PRELID3A: variants seen among roughly 807,000 people sequenced by gnomAD.
The protein encoded by PRELID3A is PRELI domain containing 3A.
A neutral mutation model predicts 23.0 loss-of-function variants in PRELID3A; 27 were observed. The observed-to-expected ratio is 1.17, with a 90% CI of 0.87 to 1.62. PRELID3A has a LOEUF of 1.62. Among genes scored for constraint, PRELID3A ranks in the 40% most tolerant of loss-of-function variants. PRELID3A has a pLI of 0.00. For missense variants in PRELID3A, 231 were observed against 231.4 expected, an observed-to-expected ratio of 1.00 and a Z score of 0.01; for synonymous variants, 87 against 86.4, an observed-to-expected ratio of 1.01 and a Z score of -0.04.
chr18:12,411,559 A>G (rs1910964632), intron 1 of PRELID3A, among the ~76,000 whole-genome samples: 1 of 152,152 alleles, frequency 6.6e-6, no homozygotes, highest in African/African-American at 2.4e-5. Flanking sequence ...TCAATAACAA[A>G]GCCCATCACA....
intron 5 of PRELID3A, among the ~76,000 whole-genome samples, chr18:12,428,924 G>A (rs2030462653): frequency 6.6e-6 from 1 of 152,206 alleles, no homozygotes; most frequent in Non-Finnish European, 1.5e-5. Flanking sequence ...TAGAGGTTGT[G>A]TTGAAGGCTT....
Position 12,431,502 on chromosome 18 carries a change from T to A in PRELID3A, c.*386T>A, listed in dbSNP as rs1335438790. On this transcript the variant is annotated 3_prime_UTR_variant, in exon 7 of 7. Coordinates refer to ENST00000440960, the MANE Select transcript of PRELID3A (RefSeq NM_001142405.2). Reference sequence around the variant, plus strand: ...CCGCCCGCCCACGCTGTCCTCCACTTAGGCTCCTCCACAAACGCTGGCGGG... The same window carrying A: ...CCGCCCGCCCACGCTGTCCTCCACTAAGGCTCCTCCACAAACGCTGGCGGG... The A allele has an allele frequency of 4.7e-5, 5 of 107,194 alleles. No individual in the cohort carries two copies. The highest frequency in any genetic ancestry group is 2.9e-4 in the Admixed American group (3 of 10,180). The allele number at this position is 107,194 out of a possible 1,614,324, so 6.6% of individuals were successfully genotyped here.
chr18:12,409,629 C>T (rs531761361), intron 1 of PRELID3A, among the ~76,000 whole-genome samples: 1 of 152,198 alleles, frequency 6.6e-6, no homozygotes, highest in East Asian at 1.9e-4. Context: ...GGGGGCATCA[C>T]TGAGCCGTCT....
chr18:12,413,823 A>G (rs892625368), intron 1 of PRELID3A, among the ~76,000 whole-genome samples: 8 of 152,182 alleles, frequency 5.3e-5, no homozygotes, highest in Middle Eastern at 3.2e-3. Context: ...ACCTCAGGTG[A>G]TCCGCCTGCC....
chr18:12,420,944 C>A (rs1047632069), intron 2 of PRELID3A, among the ~76,000 whole-genome samples: 2 of 152,126 alleles, frequency 1.3e-5, no homozygotes, highest in Admixed American at 1.3e-4. Flanking sequence ...CCTGGTTTAA[C>A]CGCCTCTAAA....
At chr18:12,413,637 G>A (rs891483052) in intron 1 of PRELID3A, among the ~76,000 whole-genome samples, 1 of 152,164 alleles carries the variant, frequency 6.6e-6, no homozygotes, top group Admixed American at 6.5e-5. Flanking sequence ...AGGCTGGAGT[G>A]CAGTGGCATG....
At chr18:12,411,808 G>A (rs961536447) in intron 1 of PRELID3A, among the ~76,000 whole-genome samples, 1 of 152,182 alleles carries the variant, frequency 6.6e-6, no homozygotes, top group Admixed American at 6.5e-5. Context: ...GCAGGCAGCC[G>A]TGAGGATCAG....
intron 1 of PRELID3A, among the ~76,000 whole-genome samples, chr18:12,413,083 T>C (rs918627046): frequency 1.3e-5 from 2 of 152,316 alleles, no homozygotes; most frequent in Non-Finnish European, 2.9e-5. Flanking sequence ...AGCATCTTAG[T>C]AGTCTTTTTA....
Position 12,420,450 on chromosome 18 carries a change from G to A in PRELID3A, c.158G>A (p.Arg53His), listed in dbSNP as rs745892900. 1.3e-5 allele frequency: 21 copies of A among 1,572,752 alleles called. No individual in the cohort carries two copies. Among genetic ancestry groups the A allele is most frequent in the Non-Finnish European group, 1.8e-5 (21 of 1,160,214 alleles). The change falls in exon 2 of 7, where the codon CGC (arginine) becomes CAC (histidine). Residue 53 changes from arginine to histidine, a missense_variant. Arg to His is a conservative substitution (Grantham distance 29). Transcript: ENST00000440960. ...GGCCGCGGCCGCCTGCACAGCTTGC[G>A]CCTGCTCAGCACCGAGTGGGGGCTG... ...VDGRGRLHSL[R>H]LLSTEWGLPS... is the part of the protein sequence containing the mutation.
At chr18:12,421,357 C>T (rs2030175774) in intron 2 of PRELID3A, 183 bp from the exon 3 acceptor site, 1 of 590,816 alleles carries the variant, frequency 1.7e-6, no homozygotes, top group Admixed American at 3.1e-5. Context: ...CATTTCTTTG[C>T]TCAGTGGCTC....
rs746073196 is a variant in PRELID3A, at chr18:12,420,373, C to T, written c.81C>T (p.Asn27=). The change falls in exon 2 of 7, where the codon AAC becomes AAT. Residue 27 remains asparagine, a synonymous_variant. Coordinates refer to ENST00000440960, the MANE Select transcript of PRELID3A (RefSeq NM_001142405.2). ...AGGCGGCCATGCGCAAGTACCCGAA[C>T]CCGATGAACCCGAGCGTGCTGGGCG... ...VIQAAMRKYP[N]PMNPSVLGVD... is the part of the protein sequence containing the mutation. 8 of 1,611,440 alleles carry T rather than the reference C, an allele frequency of 5.0e-6. No individual in the cohort carries two copies. The Admixed American group carries it at 1.3e-4, about 27-fold the overall frequency.
At chr18:12,410,455 G>A (rs543930144) in intron 1 of PRELID3A, among the ~76,000 whole-genome samples, 2 of 152,292 alleles carry the variant, frequency 1.3e-5, no homozygotes, top group East Asian at 1.9e-4. Context: ...TGGCTGGACG[G>A]GTTATGAATG....
At chr18:12,411,997 G>A (rs1339626973) in intron 1 of PRELID3A, among the ~76,000 whole-genome samples, 8 of 147,524 alleles carry the variant, frequency 5.4e-5, no homozygotes, top group East Asian at 2.0e-4. Flanking sequence ...TGCAAGCTCC[G>A]CCTCCCGGGT....
At chr18:12,413,699 T>A (rs889747513) in intron 1 of PRELID3A, among the ~76,000 whole-genome samples, 8 of 152,204 alleles carry the variant, frequency 5.3e-5, no homozygotes, top group Non-Finnish European at 2.9e-5. Flanking sequence ...TTCTCCTGCC[T>A]CAGCCTCCCA....
intron 1 of PRELID3A, among the ~76,000 whole-genome samples, chr18:12,414,981 T>C (rs1236451059): frequency 2.0e-5 from 3 of 152,054 alleles, no homozygotes; most frequent in Non-Finnish European, 4.4e-5. Context: ...CAGGCTGGAG[T>C]GCAGTAGTGC....
At chr18:12,411,310 A>T (rs539612522) in intron 1 of PRELID3A, among the ~76,000 whole-genome samples, 12 of 151,852 alleles carry the variant, frequency 7.9e-5, no homozygotes, top group South Asian at 4.2e-4. Context: ...ATAAAAAAAA[A>T]AAAAAATTAG....
chr18:12,422,851 G>T (rs545250576), intron 3 of PRELID3A, among the ~76,000 whole-genome samples: 2 of 152,186 alleles, frequency 1.3e-5, no homozygotes, highest in Non-Finnish European at 2.9e-5. Flanking sequence ...GAAGTCAGCG[G>T]TGCCCTCATC....
intron 1 of PRELID3A, among the ~76,000 whole-genome samples, chr18:12,418,504 G>A (rs1215057084): frequency 6.6e-6 from 1 of 152,234 alleles, no homozygotes; most frequent in Non-Finnish European, 1.5e-5. Flanking sequence ...GCATGCATAT[G>A]TGCACACATG....
chr18:12,418,989 C>A (rs897537542), intron 1 of PRELID3A, among the ~76,000 whole-genome samples: 1 of 152,010 alleles, frequency 6.6e-6, no homozygotes, highest in Non-Finnish European at 1.5e-5. Context: ...ATGAGTTCGA[C>A]ATCAACCTGG....
Sources: gnomAD v4.1 joint callset for allele counts (sites outside exome capture counted in the v4.1 genomes callset) on GRCh38, gnomAD v4.1.1 for gene constraint, MANE v1.5 for transcripts, NCBI Gene and HGNC (gene_info 2026-07-23, HGNC 2026-07-21) for gene names.